HFM1: variants seen among roughly 807,000 people sequenced by gnomAD.
HFM1 encodes helicase for meiosis 1.
A neutral mutation model predicts 192.1 loss-of-function variants in HFM1; 169 were observed. The ratio of observed to expected loss-of-function variants is 0.88; its 90% confidence interval spans 0.78 to 1.00. The LOEUF (loss-of-function observed/expected upper bound fraction) is 1.00, where lower values mean the gene tolerates loss of function less well. Among genes scored for constraint, HFM1 ranks in the 50% least tolerant of loss-of-function variants. The pLI, the probability that HFM1 is intolerant of heterozygous loss-of-function variation, is 0.00. For synonymous variants in HFM1, 525 were observed against 537.8 expected (o/e 0.98, Z 0.33); for missense variants, 1,661 against 1,668.0 (o/e 1.00, Z 0.07).
intron 16 of HFM1, 87 bp downstream of exon 16, chr1:91,352,419 C>A: frequency 4.0e-6 from 4 of 990,862 alleles, no homozygotes; most frequent in Non-Finnish European, 5.9e-6. Flanking sequence ...AAGCCTGATA[C>A]AATTATGACA....
intron 4 of HFM1, among the ~76,000 whole-genome samples, chr1:91,392,604 G>C (rs1663141751): frequency 6.6e-6 from 1 of 152,150 alleles, no homozygotes; most frequent in African/African-American, 2.4e-5. Context: ...CATGGGGTTG[G>C]GGGTGGGGAA....
chr1:91,269,953 G>A (rs147865840), intron 34 of HFM1, among the ~76,000 whole-genome samples: 75 of 152,258 alleles, frequency 4.9e-4, no homozygotes, highest in African/African-American at 1.7e-3. Context: ...AGGTAGTTAA[G>A]TGCTAGATCA....
intron 30 of HFM1, among the ~76,000 whole-genome samples, chr1:91,287,362 C>T (rs1318274422): frequency 9.2e-5 from 14 of 152,266 alleles, no homozygotes; most frequent in East Asian, 5.8e-4. Context: ...CCCTGACCCC[C>T]AAGCAGCCTA....
chr1:91,384,893 A>G (rs1299848943), intron 6 of HFM1, among the ~76,000 whole-genome samples: 1 of 151,818 alleles, frequency 6.6e-6, no homozygotes, highest in Non-Finnish European at 1.5e-5. Flanking sequence ...ACAGGTGCAC[A>G]CCACCAGGCC....
intron 11 of HFM1, among the ~76,000 whole-genome samples, chr1:91,377,104 A>T (rs1435545993): frequency 1.3e-5 from 2 of 151,452 alleles, no homozygotes. Context: ...AGGTCAAAAA[A>T]AGAGTATGTA....
chr1:91,351,179 CTAT>C (rs1398535431), intron 17 of HFM1, among the ~76,000 whole-genome samples: 3 of 151,750 alleles, frequency 2.0e-5, no homozygotes, highest in Non-Finnish European at 4.4e-5. Flanking sequence ...CAGATTTCCT[CTAT>C]TATTAAGTTA....
chr1:91,351,842 A>C (rs533169629), intron 16 of HFM1, among the ~76,000 whole-genome samples, 199 bp from the exon 17 acceptor site: 1 of 152,074 alleles, frequency 6.6e-6, no homozygotes, highest in East Asian at 1.9e-4. Flanking sequence ...TGTAAATATC[A>C]CTTTGGTTTC....
At position 91,394,372 on chromosome 1, in the gene HFM1, G is replaced by A; in HGVS notation, c.215C>T (p.Ser72Leu). 1 of 1,549,108 alleles carries A rather than the reference G, an allele frequency of 6.5e-7. No individual in the cohort carries two copies. The highest frequency in any genetic ancestry group is 8.8e-7 in the Non-Finnish European group (1 of 1,130,120). The change falls in exon 4 of 39, where the codon TCA becomes TTA. Residue 72 changes from serine to leucine, a missense_variant. Coordinates refer to ENST00000370425, the MANE Select transcript of HFM1 (RefSeq NM_001017975.6). Reference protein sequence around the residue: ...GQEKRPKMLTSNLKITNEDTN... With the variant: ...GQEKRPKMLTLNLKITNEDTN... ...ATCTTCATTAGTTATCTTTAAATTT[G>A]ATGTTAACATTTTTGGCCTCTTTTC...
rs1440440209 is a variant in HFM1 at position 91,368,416 on chromosome 1, A to G, written c.1685+6942T>C. On this transcript the variant is annotated intron_variant, in intron 13 of 38. Transcript: ENST00000370425. ...CTGATCTCTCGGCAGAAACTCTACAAACCAGAAGAGAGTGGGGGCAAATAT... is the reference window on the plus strand; with the variant it reads ...CTGATCTCTCGGCAGAAACTCTACAGACCAGAAGAGAGTGGGGGCAAATAT... Among the ~76,000 whole-genome samples, 7 of 152,360 alleles carry G rather than the reference A, an allele frequency of 4.6e-5. No homozygotes were observed. The East Asian group carries it at 1.3e-3, about 29-fold the overall frequency.
At position 91,396,493 on chromosome 1, in the gene HFM1, C is replaced by T. The variant is rs13374957; in HGVS notation, c.72-88G>A. The T allele has an allele frequency of 2.0e-3, 1,269 of 649,984 alleles. 11 individuals carry two copies. The African/African-American group carries it at 0.02, about 10-fold the overall frequency. The allele number at this position is 649,984 out of a possible 1,614,324, so 40.3% of individuals were successfully genotyped here. A position where few individuals can be genotyped will look rare whatever the true frequency, so the allele number is the denominator to read the frequency against. ...GTTTATTAAACATTACTCAATTGGA[C>T]TCTTAAACATTCTATAAATTAACTT... On this transcript the variant is annotated intron_variant, in intron 2 of 38. Coordinates refer to ENST00000370425, the MANE Select transcript of HFM1 (RefSeq NM_001017975.6).
At chr1:91,296,960 A>G (rs928021094) in intron 30 of HFM1, among the ~76,000 whole-genome samples, 5 of 152,194 alleles carry the variant, frequency 3.3e-5, no homozygotes, top group Non-Finnish European at 5.9e-5. Flanking sequence ...CAGTGGGTGC[A>G]GTGCACCAAG....
Position 91,261,334 on chromosome 1 carries a change from C to A in HFM1, c.4264G>T (p.Asp1422Tyr). The A allele has an allele frequency of 7.0e-7, 1 of 1,425,904 alleles. No homozygotes were observed. The highest frequency in any genetic ancestry group is 9.3e-7 in the Non-Finnish European group (1 of 1,078,538). The allele number at this position is 1,425,904 out of a possible 1,614,324, so 88.3% of individuals were successfully genotyped here. A position where few individuals can be genotyped will look rare whatever the true frequency, so the allele number is the denominator to read the frequency against. Reference protein sequence around the residue: ...FSMYHPDDEADEMKSLLGIFD... With the variant: ...FSMYHPDDEAYEMKSLLGIFD... ...ATTCCCAATAAAGACTTCATTTCAT[C>A]AGCTTCATCATCAGGATGATACATA... The change falls in exon 39 of 39, where the codon GAT (aspartate) becomes TAT (tyrosine). Residue 1422 changes from aspartate to tyrosine, a missense_variant. Asp to Tyr is a radical substitution (Grantham distance 160). Transcript: ENST00000370425.
chr1:91,369,378 A>C (rs1440382731), intron 13 of HFM1, among the ~76,000 whole-genome samples: 1 of 152,194 alleles, frequency 6.6e-6, no homozygotes, highest in Non-Finnish European at 1.5e-5. Flanking sequence ...ATGTAAAAGA[A>C]CAGAAATTAT....
chr1:91,345,762 TGGAATGGTCCTGTCTCATACCCAC>T (rs781263334), intron 19 of HFM1, among the ~76,000 whole-genome samples: 2 of 152,118 alleles, frequency 1.3e-5, no homozygotes, highest in Non-Finnish European at 2.9e-5. Context: ...CATTCCAGGG[TGGAATGGTCCTGTCTCATACCCAC>T]GGAATGGTCC....
At chr1:91,305,733 A>G (rs1038586637) in intron 30 of HFM1, among the ~76,000 whole-genome samples, 4 of 151,632 alleles carry the variant, frequency 2.6e-5, no homozygotes, top group African/African-American at 7.3e-5. Context: ...ACACCTGGCT[A>G]CTTTTTTCTA....
chr1:91,381,400 T>G (rs898579624), intron 6 of HFM1, among the ~76,000 whole-genome samples: 1 of 152,318 alleles, frequency 6.6e-6, no homozygotes, highest in South Asian at 2.1e-4. Flanking sequence ...CATTAAGCAT[T>G]GATTGTACTT....
rs1652615405 is a variant in HFM1 at position 91,324,659 on chromosome 1, G to A, written c.2427+16C>T. On this transcript the variant is annotated intron_variant, in intron 21 of 38. Transcript: ENST00000370425. Reference sequence around the variant, plus strand: ...TATACCACTATGTATTTTTTTTCTAGTGAAAATTAATTTACCAGATCTGAT... The same window carrying A: ...TATACCACTATGTATTTTTTTTCTAATGAAAATTAATTTACCAGATCTGAT... The A allele has an allele frequency of 8.6e-7, 1 of 1,165,584 alleles. No individual in the cohort carries two copies. The highest frequency in any genetic ancestry group is 1.9e-5 in the Admixed American group (1 of 53,074). 72.2% of individuals were successfully genotyped at this position (1,165,584 alleles called of 1,614,324 possible). A position where few individuals can be genotyped will look rare whatever the true frequency, so the allele number is the denominator to read the frequency against.
At chr1:91,297,495 C>T (rs933038952) in intron 30 of HFM1, among the ~76,000 whole-genome samples, 1 of 152,226 alleles carries the variant, frequency 6.6e-6, no homozygotes, top group Non-Finnish European at 1.5e-5. Context: ...ACTGCCTCCT[C>T]AAGTGGGTCC....
At chr1:91,314,452 C>T (rs1650915474) in intron 28 of HFM1, among the ~76,000 whole-genome samples, 2 of 152,054 alleles carry the variant, frequency 1.3e-5, no homozygotes, top group Admixed American at 6.6e-5. Flanking sequence ...GAAATAGGGT[C>T]TCACTTTGTT....
Sources: gnomAD v4.1 joint callset for allele counts (sites outside exome capture counted in the v4.1 genomes callset) on GRCh38, gnomAD v4.1.1 for gene constraint, MANE v1.5 for transcripts, NCBI Gene and HGNC (gene_info 2026-07-23, HGNC 2026-07-21) for gene names.